The following PPP1R8 variants were observed in gnomAD, a reference collection of about 807,000 sequenced individuals.
PPP1R8 encodes the protein protein phosphatase 1 regulatory subunit 8.
A neutral mutation model predicts 31.3 loss-of-function variants in PPP1R8; 4 were observed. The observed-to-expected ratio is 0.13, with a 90% confidence interval of 0.06 to 0.29. The LOEUF is 0.29. PPP1R8 is among the 10% of genes least tolerant of loss of function. The pLI is 1.00. For missense variants in PPP1R8, 254 were observed against 440.1 expected, an observed-to-expected ratio of 0.58 and a Z score of 3.78; for synonymous variants, 170 against 169.7, an observed-to-expected ratio of 1.00 and a Z score of -0.01.
At chr1:27,849,231 C>T (rs557411544) in intron 6 of PPP1R8, among the ~76,000 whole-genome samples, 41 of 151,978 alleles carry the variant, frequency 2.7e-4, no homozygotes, top group Non-Finnish European at 3.5e-4. Context: ...ATTAGCCAGG[C>T]GTGGTGGCGC....
Position 27,851,133 on chromosome 1 carries a change from C to T in PPP1R8, c.*687C>T, listed in dbSNP as rs1041826018. 6.3e-6 allele frequency: 1 copy of T among 159,668 alleles called. No individual in the cohort carries two copies. Among genetic ancestry groups the T allele is most frequent in the Non-Finnish European group, 1.4e-5 (1 of 72,162 alleles). 9.9% of individuals were successfully genotyped at this position (159,668 alleles called of 1,614,324 possible). On this transcript the variant is annotated 3_prime_UTR_variant, in exon 7 of 7. Transcript: ENST00000311772. ...CTGTTTTTCTTGTCAAACCTGAGCA[C>T]TCCTCCTGCTGAAGTTTCTTATTTA...
chr1:27,830,804 A>G lies in PPP1R8; in HGVS notation c.-32A>G, dbSNP rs1332857832. The G allele has an allele frequency of 6.4e-7, 1 of 1,564,334 alleles. No homozygotes were observed. ...GGTCTTCCAGTTTCCCGGCGTGCTT[A>G]GGGCGCGCCAAATGGGAGGGGGAGA... is the stretch of plus-strand genomic sequence containing the variant. On this transcript the variant is annotated 5_prime_UTR_variant, in exon 1 of 7. Transcript: ENST00000311772.
chr1:27,834,935 T>A (rs553787635), intron 2 of PPP1R8, among the ~76,000 whole-genome samples: 29 of 152,242 alleles, frequency 1.9e-4, no homozygotes, highest in African/African-American at 6.5e-4. Context: ...GGAGAATCGC[T>A]TGAACCCAGG....
intron 2 of PPP1R8, among the ~76,000 whole-genome samples, chr1:27,836,022 G>A (rs1050116498): frequency 1.1e-4 from 17 of 152,136 alleles, no homozygotes; most frequent in African/African-American, 4.1e-4. Flanking sequence ...TTTTGTAAGG[G>A]GATAATAGCA....
At chr1:27,846,153 A>G (rs1017140268) in intron 5 of PPP1R8, among the ~76,000 whole-genome samples, 2 of 152,186 alleles carry the variant, frequency 1.3e-5, no homozygotes, top group Non-Finnish European at 2.9e-5. Flanking sequence ...CTATTAGGGA[A>G]ATGATTCCTT....
At position 27,850,251 on chromosome 1, in the gene PPP1R8, C is replaced by T. The variant is rs561962725; in HGVS notation, c.861C>T (p.Ile287=). The stretch of plus-strand genomic sequence containing the variant: ...ATGGCATCCATGGGACAGCACTCAT[C>T]GGTGGCTTGCCCATGCCATACCCAA... ...QPHGIHGTAL[I]GGLPMPYPNL... The change falls in exon 7 of 7, where the codon ATC becomes ATT. Residue 287 remains isoleucine, a synonymous_variant. Transcript: ENST00000311772. 110 of 1,614,260 alleles carry T rather than the reference C, an allele frequency of 6.8e-5. No individual in the cohort carries two copies. The highest frequency in any genetic ancestry group is 8.6e-5 in the Non-Finnish European group (101 of 1,180,044).
chr1:27,840,697 A>T (rs1043604314), intron 3 of PPP1R8, among the ~76,000 whole-genome samples: 5 of 152,152 alleles, frequency 3.3e-5, no homozygotes, highest in African/African-American at 1.2e-4. Context: ...GGTATTTGTT[A>T]TCTGGGGGAA....
rs138065067 is a variant in PPP1R8 at position 27,841,520 on chromosome 1, G to A, written c.492+286G>A. The stretch of plus-strand genomic sequence containing the variant: ...TCACTGGCTGTTAGAAGCTAAGACT[G>A]GAAGCTACATTTCTCTGTCCCTTGA... On this transcript the variant is annotated intron_variant, in intron 4 of 6. Transcript: ENST00000311772. Among the ~76,000 whole-genome samples, 362 of 152,250 alleles carry A rather than the reference G, an allele frequency of 2.4e-3. 4 individuals are homozygous for A. Among genetic ancestry groups the A allele is most frequent in the African/African-American group, 8.1e-3 (338 of 41,558 alleles).
chr1:27,849,987 C>CA (rs2089324550), intron 6 of PPP1R8, 106 bp from the exon 7 acceptor site: 4 of 1,102,946 alleles, frequency 3.6e-6, no homozygotes, highest in Non-Finnish European at 5.2e-6. Flanking sequence ...GAATCTTTCC[C>CA]AAAAGCCATT....
intron 1 of PPP1R8, chr1:27,831,453 T>A (rs957051741): frequency 1.5e-4 from 108 of 725,920 alleles, no homozygotes; most frequent in Non-Finnish European, 1.7e-4. Flanking sequence ...ACCCTTTTTA[T>A]CCCTTCGAAA....
intron 4 of PPP1R8, among the ~76,000 whole-genome samples, chr1:27,842,932 G>A (rs1489937498): frequency 1.3e-5 from 2 of 152,060 alleles, no homozygotes; most frequent in Non-Finnish European, 2.9e-5. Flanking sequence ...TCAGCTCAAG[G>A]CCCTTTACCT....
Position 27,850,479 on chromosome 1 carries a change from T to TG in PPP1R8, c.*36dup. On this transcript the variant is annotated 3_prime_UTR_variant, in exon 7 of 7. Coordinates refer to ENST00000311772, the MANE Select transcript of PPP1R8 (RefSeq NM_014110.5). ...GGTCATGGAGAAGGGTGGGATTGGG[T>TG]GGGAATGGGGTGGAAGGGTGATGGG... 1 of 429,860 alleles carries TG rather than the reference T, an allele frequency of 2.3e-6. No homozygotes were observed. The highest frequency in any genetic ancestry group is 4.8e-6 in the Non-Finnish European group (1 of 207,730). The allele number at this position is 429,860 out of a possible 1,614,324, so 26.6% of individuals were successfully genotyped here.
Position 27,840,374 on chromosome 1 carries a change from T to C in PPP1R8, c.272-640T>C, listed in dbSNP as rs184284100. ...GAGAGCTTTGTCTCGCAAATACTTA[T>C]CTTTTCTCTCCCATTTTATAACATG... On this transcript the variant is annotated intron_variant, in intron 3 of 6. Transcript: ENST00000311772. 3.5e-3 allele frequency among the ~76,000 whole-genome samples: 529 copies of C among 152,314 alleles called. 4 individuals carry two copies. The highest frequency in any genetic ancestry group is 0.012 in the African/African-American group (496 of 41,564).
chr1:27,834,625 C>T (rs1353843879), intron 2 of PPP1R8: 1 of 485,244 alleles, frequency 2.1e-6, no homozygotes, highest in African/African-American at 2.0e-5. Flanking sequence ...CTGTTGAAAG[C>T]CAGTGCATTA....
chr1:27,842,349 A>T (rs2089231414), intron 4 of PPP1R8, among the ~76,000 whole-genome samples: 1 of 151,948 alleles, frequency 6.6e-6, no homozygotes. Context: ...TCTCAAAAAA[A>T]AAAAAAAAAA....
Position 27,850,172 on chromosome 1 carries a change from G to A in PPP1R8, c.782G>A (p.Gly261Glu). The A allele has an allele frequency of 6.2e-7, 1 of 1,614,046 alleles. No homozygotes were observed. Among genetic ancestry groups the A allele is most frequent in the Non-Finnish European group, 8.5e-7 (1 of 1,179,942 alleles). Reference sequence around the variant, plus strand: ...CGCATGCAGAACTTTGCCTTCAGCGGAGGACTCTACGGGGGCCTGCCCCCC... The same window carrying A: ...CGCATGCAGAACTTTGCCTTCAGCGAAGGACTCTACGGGGGCCTGCCCCCC... The part of the protein sequence containing the change: ...SRRMQNFAFS[G>E]GLYGGLPPTH... The change falls in exon 7 of 7, where the codon GGA (glycine) becomes GAA (glutamate). Residue 261 changes from glycine to glutamate, a missense_variant. Physicochemically the swap from Gly to Glu is moderately conservative, Grantham distance 98. This residue lies in a region of PPP1R8 where 105 missense variants were observed against 128.0 expected (regional missense o/e 0.82). Coordinates refer to ENST00000311772, the MANE Select transcript of PPP1R8 (RefSeq NM_014110.5).
intron 2 of PPP1R8, among the ~76,000 whole-genome samples, chr1:27,833,712 T>G (rs1178583719): frequency 6.6e-6 from 1 of 152,206 alleles, no homozygotes; most frequent in Non-Finnish European, 1.5e-5. Context: ...TGAATGCAGT[T>G]TTTTCATTGT....
intron 2 of PPP1R8, among the ~76,000 whole-genome samples, chr1:27,836,756 G>C (rs1264721629): frequency 6.6e-6 from 1 of 152,076 alleles, no homozygotes; most frequent in Non-Finnish European, 1.5e-5. Flanking sequence ...CTCAGGTCTA[G>C]CACGGTGGCT....
chr1:27,845,021 C>G (rs2089261690), intron 5 of PPP1R8, among the ~76,000 whole-genome samples: 1 of 144,458 alleles, frequency 6.9e-6, no homozygotes, highest in South Asian at 2.3e-4. Flanking sequence ...GCGTGAGCCA[C>G]CATGCCCGGC....
Sources: allele counts gnomAD v4.1 joint callset (sites outside exome capture counted in the v4.1 genomes callset), GRCh38; gene constraint gnomAD v4.1.1; regional missense constraint gnomAD v4.1.1; transcripts MANE v1.5; gene names NCBI Gene and HGNC (gene_info 2026-07-23, HGNC 2026-07-21).